CALD1: variants seen among roughly 807,000 people sequenced by gnomAD.
CALD1 encodes caldesmon 1.
CALD1 carries 33 observed loss-of-function variants against 99.9 expected under a neutral mutation model. The observed-to-expected ratio is 0.33, with a 90% CI of 0.25 to 0.44. CALD1 has a LOEUF of 0.44. Ranked by LOEUF, CALD1 falls within the 20% of genes least tolerant of loss-of-function variation. CALD1 has a pLI of 1.00. For missense variants in CALD1, 861 were observed against 962.1 expected, an observed-to-expected ratio of 0.89 and a Z score of 1.39; for synonymous variants, 310 against 325.0, an observed-to-expected ratio of 0.95 and a Z score of 0.50.
chr7:134,843,089 T>G (rs1316519832), intron 1 of CALD1, among the ~76,000 whole-genome samples: 1 of 152,160 alleles, frequency 6.6e-6, no homozygotes, highest in East Asian at 1.9e-4. Context: ...AGGGCCCAGC[T>G]CCCTTCCCGT....
intron 3 of CALD1, among the ~76,000 whole-genome samples, chr7:134,915,105 A>T (rs1804110933): frequency 6.6e-6 from 1 of 152,072 alleles, no homozygotes; most frequent in Non-Finnish European, 1.5e-5. Context: ...GCAAGTTCAG[A>T]CTCCACCTTG....
chr7:134,967,399 C>A (rs1808755640), intron 14 of CALD1, among the ~76,000 whole-genome samples: 1 of 152,044 alleles, frequency 6.6e-6, no homozygotes, highest in South Asian at 2.1e-4. Context: ...GAAATGAATA[C>A]AATGAACACC....
intron 3 of CALD1, among the ~76,000 whole-genome samples, chr7:134,916,933 T>A (rs1454298650): frequency 6.6e-6 from 1 of 152,214 alleles, no homozygotes; most frequent in African/African-American, 2.4e-5. Context: ...AGTGGAAATT[T>A]CTCTTTCTAG....
the CALD1 span, among the ~76,000 whole-genome samples, chr7:134,718,835 T>G: frequency 6.6e-6 from 1 of 152,208 alleles, no homozygotes; most frequent in Non-Finnish European, 1.5e-5. Flanking sequence ...GACAACTGTT[T>G]CTGGAGTTTT....
intron 1 of CALD1, among the ~76,000 whole-genome samples, chr7:134,747,980 T>C (rs944047584): frequency 8.5e-5 from 13 of 152,174 alleles, no homozygotes; most frequent in African/African-American, 3.1e-4. Context: ...AGGCTACACC[T>C]GGAAAATCTA....
At chr7:134,756,473 A>T (rs1796731619) in intron 1 of CALD1, among the ~76,000 whole-genome samples, 1 of 152,070 alleles carries the variant, frequency 6.6e-6, no homozygotes, top group East Asian at 1.9e-4. Flanking sequence ...ATCATGATCT[A>T]TTAGTGAGAG....
chr7:134,719,964 CT>C, the CALD1 span, among the ~76,000 whole-genome samples: 1 of 151,644 alleles, frequency 6.6e-6, no homozygotes. Flanking sequence ...CTCAGTTGTA[CT>C]TTGAGCTACA....
intron 1 of CALD1, among the ~76,000 whole-genome samples, chr7:134,815,592 C>G (rs1438098312): frequency 6.6e-6 from 1 of 152,078 alleles, no homozygotes; most frequent in Non-Finnish European, 1.5e-5. Flanking sequence ...AGAGGGGTGA[C>G]CCTCTAAACC....
chr7:134,746,953 T>C (rs1035999365), intron 1 of CALD1, among the ~76,000 whole-genome samples: 1 of 152,212 alleles, frequency 6.6e-6, no homozygotes, highest in Non-Finnish European at 1.5e-5. Context: ...CTGCTCATGG[T>C]AAAATGCAAG....
intron 1 of CALD1, among the ~76,000 whole-genome samples, chr7:134,808,325 C>T (rs1054649517): frequency 6.6e-6 from 1 of 151,734 alleles, no homozygotes; most frequent in South Asian, 2.1e-4. Context: ...CCAGGCTGGT[C>T]TTGAACTCCT....
intron 3 of CALD1, among the ~76,000 whole-genome samples, chr7:134,909,915 TCA>T (rs1297712041): frequency 6.6e-6 from 1 of 152,036 alleles, no homozygotes; most frequent in African/African-American, 2.4e-5. Flanking sequence ...GGAGATGTGG[TCA>T]ACAGTGTCAG....
chr7:134,822,973 G>A (rs1050999799), intron 1 of CALD1, among the ~76,000 whole-genome samples: 3 of 152,150 alleles, frequency 2.0e-5, no homozygotes, highest in African/African-American at 7.2e-5. Context: ...AGTCAACAAT[G>A]TGGAATTGCC....
At chr7:134,956,021 A>G (rs933985399) in intron 9 of CALD1, among the ~76,000 whole-genome samples, 1 of 152,216 alleles carries the variant, frequency 6.6e-6, no homozygotes, top group African/African-American at 2.4e-5. Flanking sequence ...CTACAGAAAT[A>G]TACTTCTAAG....
chr7:134,716,184 A>T, the CALD1 span, among the ~76,000 whole-genome samples: 1 of 152,252 alleles, frequency 6.6e-6, no homozygotes, highest in African/African-American at 2.4e-5. Context: ...TACAATAAAA[A>T]GTCACATTCA....
chr7:134,900,025 C>T (rs898065139), intron 3 of CALD1: 3 of 152,058 alleles, frequency 2.0e-5, no homozygotes, highest in Admixed American at 2.0e-4. Context: ...CTACCTTTCA[C>T]TTTGTAAGTA....
At chr7:134,955,368 C>A (rs1406227817) in intron 9 of CALD1, among the ~76,000 whole-genome samples, 1 of 152,170 alleles carries the variant, frequency 6.6e-6, no homozygotes, top group African/African-American at 2.4e-5. Flanking sequence ...ATCCTGGCAA[C>A]AGAGTGAGAC....
chr7:134,819,711 T>C (rs1038575335), intron 1 of CALD1, among the ~76,000 whole-genome samples: 1 of 152,170 alleles, frequency 6.6e-6, no homozygotes, highest in African/African-American at 2.4e-5. Flanking sequence ...TGACTATACG[T>C]AAACCCTCTA....
rs527390305 is a variant in CALD1, at chr7:134,844,189, G to C, written c.-42+218G>C. 6 of 82,082 alleles carry C rather than the reference G, an allele frequency of 7.3e-5. No individual in the cohort carries two copies. In the East Asian group the frequency reaches 0.018, roughly 252 times the overall value. The allele number at this position is 82,082 out of a possible 1,614,324, so 5.1% of individuals were successfully genotyped here. On this transcript the variant is annotated intron_variant, in intron 2 of 14. Transcript: ENST00000361675. Reference sequence around the variant, plus strand: ...AGTCTTTTATCCTGTTTTGTAATCTGATTTTTTTTTTTTGCTTTATTTTTA... The same window carrying C: ...AGTCTTTTATCCTGTTTTGTAATCTCATTTTTTTTTTTTGCTTTATTTTTA...
intron 8 of CALD1, 27 bp from the exon 9 acceptor site, chr7:134,950,347 C>G (rs1483385872): frequency 1.2e-6 from 2 of 1,612,386 alleles, no homozygotes; most frequent in Non-Finnish European, 1.7e-6. Flanking sequence ...GGTACTGATG[C>G]CTCGTTATTT....
Sources: gnomAD v4.1 joint callset for allele counts (sites outside exome capture counted in the v4.1 genomes callset) on GRCh38, gnomAD v4.1.1 for gene constraint, MANE v1.5 for transcripts, NCBI Gene and HGNC (gene_info 2026-07-23, HGNC 2026-07-21) for gene names.